BRINP3: variants seen among roughly 807,000 people sequenced by gnomAD.
BRINP3 encodes BMP/retinoic acid-inducible neural-specific protein 3.
BRINP3 carries 19 observed loss-of-function variants against 71.0 expected under a neutral mutation model. That is an observed-to-expected ratio of 0.27 (90% CI 0.19 to 0.39). The LOEUF (loss-of-function observed/expected upper bound fraction) is 0.39, where lower values mean the gene tolerates loss of function less well. Among genes scored for constraint, BRINP3 ranks in the 10% least tolerant of loss-of-function variants. The pLI is 1.00. For synonymous variants in BRINP3, 380 were observed against 337.7 expected (o/e 1.13, Z -1.37); for missense variants, 959 against 940.8 (o/e 1.02, Z -0.25).
At chr1:190,466,096 C>A (rs1676727188) in intron 1 of BRINP3, among the ~76,000 whole-genome samples, 1 of 150,730 alleles carries the variant, frequency 6.6e-6, no homozygotes, top group Non-Finnish European at 1.5e-5. Flanking sequence ...GACAATATTG[C>A]CCCTGCACTT....
chr1:190,259,993 A>C (rs1215244891), intron 4 of BRINP3, among the ~76,000 whole-genome samples: 2 of 150,310 alleles, frequency 1.3e-5, no homozygotes, highest in Non-Finnish European at 3.0e-5. Context: ...GAGCCACTGC[A>C]CTCCAGCCTG....
intron 2 of BRINP3, among the ~76,000 whole-genome samples, chr1:190,309,077 G>A (rs568697051): frequency 6.6e-6 from 1 of 151,956 alleles, no homozygotes; most frequent in Admixed American, 6.6e-5. Context: ...AATAAGCAAA[G>A]TGTGGTATCG....
intron 6 of BRINP3, among the ~76,000 whole-genome samples, chr1:190,176,561 A>T (rs1387280059): frequency 6.6e-6 from 1 of 152,186 alleles, no homozygotes; most frequent in African/African-American, 2.4e-5. Flanking sequence ...AGTCAAAAAC[A>T]CTTGGAAGTA....
chr1:190,324,853 A>C lies in BRINP3; in HGVS notation c.237-43103T>G, dbSNP rs535214639. On this transcript the variant is annotated intron_variant, in intron 2 of 7. Coordinates refer to ENST00000367462, the MANE Select transcript of BRINP3 (RefSeq NM_199051.3). ...GGTAGATGTATGGAAGCAGAAAAGC[A>C]ATATTGATTACCTTAAAATAAGTGT... Among the ~76,000 whole-genome samples the C allele has an allele frequency of 2.0e-3, 303 of 151,990 alleles. 2 individuals carry two copies. Among genetic ancestry groups the C allele is most frequent in the Non-Finnish European group, 3.9e-3 (268 of 67,910 alleles).
At chr1:190,300,297 A>G (rs532410649) in intron 2 of BRINP3, among the ~76,000 whole-genome samples, 30 of 151,678 alleles carry the variant, frequency 2.0e-4, no homozygotes, top group African/African-American at 7.3e-4. Context: ...CCTTTCATTC[A>G]TTTCATCTTC....
intron 7 of BRINP3, among the ~76,000 whole-genome samples, chr1:190,124,344 C>T (rs1040104646): frequency 7.9e-5 from 12 of 152,084 alleles, no homozygotes; most frequent in Admixed American, 3.3e-4. Context: ...TTATGGCTTC[C>T]GGTGAGAAAT....
At chr1:190,200,221 C>T (rs1240287672) in intron 6 of BRINP3, among the ~76,000 whole-genome samples, 1 of 152,076 alleles carries the variant, frequency 6.6e-6, no homozygotes, top group Non-Finnish European at 1.5e-5. Context: ...TTTTATAACT[C>T]TTATGGCTAC....
chr1:190,155,295 A>G (rs1325154781), intron 7 of BRINP3, among the ~76,000 whole-genome samples: 2 of 152,078 alleles, frequency 1.3e-5, no homozygotes, highest in Non-Finnish European at 2.9e-5. Flanking sequence ...AATATATTCA[A>G]TTGTTTTAAT....
chr1:190,105,005 G>C (rs544204128), intron 7 of BRINP3, among the ~76,000 whole-genome samples: 2 of 151,980 alleles, frequency 1.3e-5, no homozygotes, highest in African/African-American at 2.4e-5. Context: ...GTTATTCTCA[G>C]ACATGAATAC....
rs143855386 is a variant in BRINP3 at position 190,372,463 on chromosome 1, G to T, written c.236+82192C>A. On this transcript the variant is annotated intron_variant, in intron 2 of 7. Coordinates refer to ENST00000367462, the MANE Select transcript of BRINP3 (RefSeq NM_199051.3). ...AGAAACAGCAGCTTTGTGATGCTCA[G>T]GTTACAACCCCATATAGTTCCAGAA... Among the ~76,000 whole-genome samples, 834 of 152,260 alleles carry T rather than the reference G, an allele frequency of 5.5e-3. 5 individuals carry two copies. Among genetic ancestry groups the T allele is most frequent in the African/African-American group, 0.018 (764 of 41,530 alleles).
rs990745783 is a variant in BRINP3 at position 190,445,897 on chromosome 1, C to A, written c.236+8758G>T. Among the ~76,000 whole-genome samples, 10 of 152,044 alleles carry A rather than the reference C, an allele frequency of 6.6e-5. No homozygotes were observed. In the South Asian group the frequency reaches 1.9e-3, roughly 28 times the overall value. The stretch of plus-strand genomic sequence containing the variant: ...GCCAAAACATCATAATTGTTGTTTA[C>A]TATTCTGTAAATAATTGTGTTAACT... On this transcript the variant is annotated intron_variant, in intron 2 of 7. Transcript: ENST00000367462.
Position 190,247,102 on chromosome 1 carries a change from C to A in BRINP3, c.619-12625G>T, listed in dbSNP as rs1261222790. ...TACAAATAACCGTATTATACATAAT[C>A]CTATTGTTATGCTAAATTTTCTAGC... On this transcript the variant is annotated intron_variant, in intron 4 of 7. Coordinates refer to ENST00000367462, the MANE Select transcript of BRINP3 (RefSeq NM_199051.3). Among the ~76,000 whole-genome samples, 3 of 151,764 alleles carry A rather than the reference C, an allele frequency of 2.0e-5. No homozygotes were observed. The East Asian group carries it at 5.8e-4, about 29-fold the overall frequency.
intron 6 of BRINP3, among the ~76,000 whole-genome samples, chr1:190,219,296 T>C (rs1656672647): frequency 1.3e-5 from 2 of 152,078 alleles, no homozygotes; most frequent in Admixed American, 1.3e-4. Context: ...TGCTGATTTG[T>C]GAGCTCTCTG....
intron 7 of BRINP3, among the ~76,000 whole-genome samples, chr1:190,107,701 A>C (rs1652300682): frequency 1.3e-5 from 2 of 152,026 alleles, no homozygotes; most frequent in Admixed American, 1.3e-4. Flanking sequence ...GTATATTGTT[A>C]CACTAGAATC....
chr1:190,384,025 AAC>A (rs970937037), intron 2 of BRINP3, among the ~76,000 whole-genome samples: 1 of 151,866 alleles, frequency 6.6e-6, no homozygotes, highest in Non-Finnish European at 1.5e-5. Context: ...AACATCATAA[AAC>A]ACACATTAAT....
chr1:190,209,105 T>C (rs1446741366), intron 6 of BRINP3, among the ~76,000 whole-genome samples: 1 of 152,116 alleles, frequency 6.6e-6, no homozygotes, highest in Non-Finnish European at 1.5e-5. Context: ...ATTTTCATAA[T>C]GTTACTGTTT....
chr1:190,103,887 C>G, intron 7 of BRINP3, among the ~76,000 whole-genome samples: 1 of 150,602 alleles, frequency 6.6e-6, no homozygotes, highest in East Asian at 1.9e-4. Flanking sequence ...TGGTGAACAT[C>G]TCTCATTCTG....
At chr1:190,468,855 T>A (rs138293242) in intron 1 of BRINP3, among the ~76,000 whole-genome samples, 2,924 of 151,130 alleles carry the variant, frequency 0.019, 97 homozygotes, top group African/African-American at 0.066. Flanking sequence ...ACTTTGAATG[T>A]CCTTTAAATT....
intron 2 of BRINP3, among the ~76,000 whole-genome samples, chr1:190,430,351 C>T (rs749817826): frequency 3.3e-5 from 5 of 152,102 alleles, no homozygotes; most frequent in Non-Finnish European, 7.3e-5. Flanking sequence ...CAGTTTATTA[C>T]TTATTCTTAG....
Sources: gnomAD v4.1 joint callset for allele counts (sites outside exome capture counted in the v4.1 genomes callset) on GRCh38, gnomAD v4.1.1 for gene constraint, MANE v1.5 for transcripts, NCBI Gene and HGNC (gene_info 2026-07-23, HGNC 2026-07-21) for gene names.